POC1B: variants seen among roughly 807,000 people sequenced by gnomAD.
The protein encoded by POC1B is POC1 centriolar protein homolog B.
A neutral mutation model predicts 60.6 loss-of-function variants in POC1B; 44 were observed. That is an observed-to-expected ratio of 0.73 (90% confidence interval 0.57 to 0.93). The LOEUF (loss-of-function observed/expected upper bound fraction) is 0.93. Ranked by LOEUF, POC1B falls within the 40% of genes least tolerant of loss-of-function variation. The pLI is 0.00. For synonymous variants in POC1B, 180 were observed against 198.9 expected, an observed-to-expected ratio of 0.90 and a Z score of 0.80; for missense variants, 555 against 572.3, an observed-to-expected ratio of 0.97 and a Z score of 0.31.
intron 2 of POC1B, chr12:89,500,504 A>G (rs1431350812): frequency 5.6e-6 from 9 of 1,598,110 alleles, no homozygotes; most frequent in African/African-American, 1.3e-5. Context: ...AAAAATGTGA[A>G]GTAGAAACAT....
intron 2 of POC1B, among the ~76,000 whole-genome samples, chr12:89,514,413 T>TTTTTTTC (rs1870347302): frequency 7.4e-6 from 1 of 134,938 alleles, no homozygotes. Flanking sequence ...TTTTTTTTTT[T>TTTTTTTC]TTTTTTTTTT....
At position 89,524,979 on chromosome 12, in the gene POC1B, C is replaced by G. The variant is rs1332189042; in HGVS notation, c.100+141G>C. 3 of 1,316,024 alleles carry G rather than the reference C, an allele frequency of 2.3e-6. No homozygotes were observed. The South Asian group carries it at 4.1e-5, about 18-fold the overall frequency. 81.5% of individuals were successfully genotyped at this position (1,316,024 alleles called of 1,614,324 possible). A position where few individuals can be genotyped will look rare whatever the true frequency, so the allele number is the denominator to read the frequency against. ...GGGGCCCTAGCTGCGCCCCGCCGCG[C>G]TGGGCCCTCGTCTCCGGGTGCTCTC... On this transcript the variant is annotated intron_variant, in intron 2 of 11. Transcript: ENST00000313546.
At chr12:89,488,076 AT>A (rs1868739796) in intron 4 of POC1B, among the ~76,000 whole-genome samples, 1 of 152,176 alleles carries the variant, frequency 6.6e-6, no homozygotes, top group African/African-American at 2.4e-5. Context: ...TGAAGACCAA[AT>A]TTCACATTAT....
intron 4 of POC1B, among the ~76,000 whole-genome samples, chr12:89,485,709 C>T (rs1164753470): frequency 2.0e-5 from 3 of 152,216 alleles, no homozygotes; most frequent in East Asian, 3.8e-4. Context: ...GTAAAACATG[C>T]ATGCACCAGT....
At chr12:89,494,292 C>A (rs1350658140) in intron 3 of POC1B, among the ~76,000 whole-genome samples, 1 of 152,086 alleles carries the variant, frequency 6.6e-6, no homozygotes. Flanking sequence ...CTCAAGTGAT[C>A]CTCCTGCCTC....
At chr12:89,451,055 A>C (rs543511231) in intron 10 of POC1B, among the ~76,000 whole-genome samples, 1 of 151,344 alleles carries the variant, frequency 6.6e-6, no homozygotes, top group East Asian at 1.9e-4. Context: ...GAAACTAGAC[A>C]CTCAAGAGTT....
Position 89,526,005 on chromosome 12 carries a change from A to G in POC1B, c.-110T>C, listed in dbSNP as rs547303804. Reference sequence around the variant, plus strand: ...GCGGCTCCCGGAACCGTCTGCCCAGAGCGGCAGCGCCTCCCGGTCACTACA... The same window carrying G: ...GCGGCTCCCGGAACCGTCTGCCCAGGGCGGCAGCGCCTCCCGGTCACTACA... On this transcript the variant is annotated 5_prime_UTR_variant, in exon 1 of 12. Transcript: ENST00000313546. 1.6e-5 allele frequency: 24 copies of G among 1,540,864 alleles called. No homozygotes were observed. Among genetic ancestry groups the G allele is most frequent in the Non-Finnish European group, 2.0e-5 (23 of 1,145,862 alleles).
intron 10 of POC1B, among the ~76,000 whole-genome samples, chr12:89,432,387 A>T (rs1328597799): frequency 3.7e-5 from 1 of 27,058 alleles, no homozygotes; most frequent in African/African-American, 9.7e-5. Flanking sequence ...GTTTCTTAAA[A>T]AAAAAAAAAA....
At chr12:89,499,359 G>A (rs1047806297) in intron 2 of POC1B, among the ~76,000 whole-genome samples, 2 of 152,178 alleles carry the variant, frequency 1.3e-5, no homozygotes, top group Non-Finnish European at 2.9e-5. Context: ...GAAGAGGGAG[G>A]AAAGGAGCGG....
chr12:89,449,934 T>A (rs1416528922), intron 10 of POC1B, among the ~76,000 whole-genome samples: 2 of 152,096 alleles, frequency 1.3e-5, no homozygotes, highest in Admixed American at 6.5e-5. Flanking sequence ...ACAATACAAA[T>A]TGAGGGTACT....
At chr12:89,436,041 T>C (rs1881251350) in intron 10 of POC1B, among the ~76,000 whole-genome samples, 3 of 151,364 alleles carry the variant, frequency 2.0e-5, no homozygotes, top group Admixed American at 6.6e-5. Context: ...GCCTCCCAGG[T>C]TCAAGCGATT....
At chr12:89,425,470 G>T (rs951667561) in intron 10 of POC1B, 91 bp from the exon 11 acceptor site, 26 of 993,790 alleles carry the variant, frequency 2.6e-5, no homozygotes, top group Middle Eastern at 3.3e-4. Context: ...CTTCTAAAAA[G>T]CCCAGGCTTA....
chr12:89,466,499 C>G (rs1882690018), intron 9 of POC1B, among the ~76,000 whole-genome samples: 1 of 152,086 alleles, frequency 6.6e-6, no homozygotes, highest in Non-Finnish European at 1.5e-5. Flanking sequence ...AAATATAAAG[C>G]TAGTTTAGAC....
intron 2 of POC1B, chr12:89,502,495 TAAG>T (rs1869624461): frequency 1.8e-6 from 2 of 1,089,398 alleles, no homozygotes; most frequent in South Asian, 2.7e-5. Flanking sequence ...AAAAATCTAA[TAAG>T]AAAAGGATCT....
chr12:89,502,686 A>G (rs1226298052), intron 2 of POC1B: 3 of 1,338,382 alleles, frequency 2.2e-6, no homozygotes, highest in African/African-American at 1.4e-5. Context: ...TTGAAGGTAT[A>G]TAACACATTG....
At chr12:89,504,049 G>A (rs1202749475) in intron 2 of POC1B, among the ~76,000 whole-genome samples, 22 of 126,420 alleles carry the variant, frequency 1.7e-4, no homozygotes, top group Non-Finnish European at 3.1e-4. Flanking sequence ...CTGCCCGGCC[G>A]CCCCTTCTGG....
chr12:89,418,371 G>C (rs1880401413), downstream of POC1B, among the ~76,000 whole-genome samples: 1 of 152,138 alleles, frequency 6.6e-6, no homozygotes, highest in Non-Finnish European at 1.5e-5. Flanking sequence ...GTTGCGTCTT[G>C]GCCTTTTACT....
chr12:89,517,793 A>T (rs1398123908), intron 2 of POC1B, among the ~76,000 whole-genome samples: 1 of 152,200 alleles, frequency 6.6e-6, no homozygotes, highest in Non-Finnish European at 1.5e-5. Context: ...TATGAAGCAC[A>T]TCTGCTTTCT....
In POC1B at chr12:89,459,694, C is replaced by A. The variant is rs768381792; in HGVS notation, c.1057G>T (p.Asp353Tyr). 3 of 1,536,846 alleles carry A rather than the reference C, an allele frequency of 2.0e-6. No individual in the cohort carries two copies. Among genetic ancestry groups the A allele is most frequent in the South Asian group, 2.6e-5 (2 of 77,130 alleles). ...ACAGGGGGAGTAGAGATCTGCAAAT[C>A]GATTACCTCAAGCTTTGGATTAATC... is the stretch of plus-strand genomic sequence containing the variant. ...VEINPKLEVIDLQISTPPVMD... is the reference protein window; with the variant it reads ...VEINPKLEVIYLQISTPPVMD... The change falls in exon 10 of 12, where the codon GAT becomes TAT. Residue 353 changes from aspartate (D) to tyrosine (Y), a missense_variant. Physicochemically the swap from Asp to Tyr is radical, Grantham distance 160. Transcript: ENST00000313546.
Sources: gnomAD v4.1 joint callset for allele counts (sites outside exome capture counted in the v4.1 genomes callset) on GRCh38, gnomAD v4.1.1 for gene constraint, MANE v1.5 for transcripts, NCBI Gene and HGNC (gene_info 2026-07-23, HGNC 2026-07-21) for gene names.